FRMPD2: variants seen among roughly 807,000 people sequenced by gnomAD.
The protein encoded by FRMPD2 is FERM and PDZ domain-containing protein 2.
FRMPD2 carries 96 observed loss-of-function variants against 140.1 expected under a neutral mutation model. That is an observed-to-expected ratio of 0.69 (90% confidence interval 0.58 to 0.81). FRMPD2 has a LOEUF of 0.81. Ranked by LOEUF, FRMPD2 falls within the 40% of genes least tolerant of loss-of-function variation. The pLI is 0.00. For missense variants in FRMPD2, 1,240 were observed against 1,447.4 expected (o/e 0.86, Z 2.32); for synonymous variants, 449 against 547.6 (o/e 0.82, Z 2.52).
intron 27 of FRMPD2, among the ~76,000 whole-genome samples, chr10:48,164,040 G>A (rs1261813651): frequency 1.3e-5 from 2 of 150,898 alleles, no homozygotes; most frequent in Non-Finnish European, 2.9e-5. Flanking sequence ...CTCAGGGCTT[G>A]TCTCCCTGTC....
At chr10:48,186,740 T>A (rs1296421212) in intron 17 of FRMPD2, among the ~76,000 whole-genome samples, 2 of 152,224 alleles carry the variant, frequency 1.3e-5, no homozygotes, top group Non-Finnish European at 2.9e-5. Context: ...TAATGCTCAC[T>A]GAGTAGAGAT....
chr10:48,230,032 T>A (rs115012195), intron 10 of FRMPD2, among the ~76,000 whole-genome samples: 1 of 152,110 alleles, frequency 6.6e-6, no homozygotes, highest in Non-Finnish European at 1.5e-5. Context: ...ATTAATTACA[T>A]GAGGCTGAAC....
chr10:48,223,098 A>C, intron 11 of FRMPD2, 25 bp downstream of exon 11: 3 of 1,595,212 alleles, frequency 1.9e-6, no homozygotes, highest in Non-Finnish European at 2.6e-6. Context: ...CTTAAGGAAC[A>C]AATGAACAGG....
Position 48,242,251 on chromosome 10 carries a change from C to T in FRMPD2, c.477G>A (p.Arg159=). Reference sequence around the variant, plus strand: ...AGACAGACACTTCTTTCTCATGAACCCGACAAGCTTCCAGAACCGACTGCA... The same window carrying T: ...AGACAGACACTTCTTTCTCATGAACTCGACAAGCTTCCAGAACCGACTGCA... The part of the protein sequence containing the change: ...CTLQSVLEAC[R]VHEKEVSVYP... Residue 159 remains arginine (R), a synonymous_variant, in exon 5 of 29, where the codon CGG becomes CGA. Coordinates refer to ENST00000374201, the MANE Select transcript of FRMPD2 (RefSeq NM_001018071.4). The T allele has an allele frequency of 1.2e-6, 2 of 1,614,128 alleles. No homozygotes were observed. Among genetic ancestry groups the T allele is most frequent in the South Asian group, 1.1e-5 (1 of 91,080 alleles).
At position 48,240,358 on chromosome 10, in the gene FRMPD2, A is replaced by G. The variant is rs754048848; in HGVS notation, c.700+2T>C. On this transcript the variant is annotated splice_donor_variant, in intron 6 of 28. Coordinates refer to ENST00000374201, the MANE Select transcript of FRMPD2 (RefSeq NM_001018071.4). LOFTEE classifies it high-confidence loss of function. ...CAGGGACTGCTTAGGGCACGTACCC[A>G]CCTCTGCAAGGATGCAGACACTCCG... 9 of 1,611,178 alleles carry G rather than the reference A, an allele frequency of 5.6e-6. No individual in the cohort carries two copies. The highest frequency in any genetic ancestry group is 7.6e-6 in the Non-Finnish European group (9 of 1,179,974).
intron 14 of FRMPD2, among the ~76,000 whole-genome samples, chr10:48,201,941 A>T (rs566554798): frequency 6.6e-6 from 1 of 152,218 alleles, no homozygotes; most frequent in South Asian, 2.1e-4. Flanking sequence ...GATAAAAAAA[A>T]AAAGAGCAAG....
At chr10:48,249,329 C>T (rs1269148958) in intron 2 of FRMPD2, 151 bp from the exon 3 acceptor site, 21 of 677,740 alleles carry the variant, frequency 3.1e-5, no homozygotes, top group Non-Finnish European at 4.6e-5. Context: ...ATAAATTCAA[C>T]CCTGATGCAT....
intron 12 of FRMPD2, among the ~76,000 whole-genome samples, chr10:48,217,812 C>T (rs1033213293): frequency 6.6e-6 from 1 of 152,214 alleles, no homozygotes; most frequent in Non-Finnish European, 1.5e-5. Flanking sequence ...CAAGGTCACT[C>T]ACAGCCCTCC....
chr10:48,173,574 C>T (rs1161815922), intron 24 of FRMPD2, among the ~76,000 whole-genome samples: 1 of 152,168 alleles, frequency 6.6e-6, no homozygotes, highest in Admixed American at 6.5e-5. Flanking sequence ...TACCTTGGCT[C>T]ACTGGACCCT....
At position 48,264,509 on chromosome 10, in the gene FRMPD2, T is replaced by G. The variant is rs112964077; in HGVS notation, c.25+10034A>C. Among the ~76,000 whole-genome samples the G allele has an allele frequency of 2.2e-3, 330 of 152,226 alleles. 3 individuals carry two copies. Among genetic ancestry groups the G allele is most frequent in the African/African-American group, 7.7e-3 (320 of 41,572 alleles). On this transcript the variant is annotated intron_variant, in intron 1 of 28. Coordinates refer to ENST00000374201, the MANE Select transcript of FRMPD2 (RefSeq NM_001018071.4). ...CAGCAATGACAACTGAAATGTGAAA[T>G]TATAAACACAATATCAATTATTATA...
intron 4 of FRMPD2, 87 bp from the exon 5 acceptor site, chr10:48,242,439 A>G (rs1053357022): frequency 1.6e-6 from 2 of 1,212,416 alleles, no homozygotes; most frequent in African/African-American, 1.5e-5. Flanking sequence ...CCTTGGAGAC[A>G]TGGAAACGGG....
intron 10 of FRMPD2, among the ~76,000 whole-genome samples, chr10:48,225,939 T>C (rs1839711967): frequency 1.3e-5 from 2 of 152,222 alleles, no homozygotes; most frequent in Non-Finnish European, 2.9e-5. Flanking sequence ...GAGTATTCTT[T>C]TGGTTTCACT....
intron 12 of FRMPD2, among the ~76,000 whole-genome samples, chr10:48,217,589 T>A (rs1839479955): frequency 6.6e-6 from 1 of 152,230 alleles, no homozygotes; most frequent in Non-Finnish European, 1.5e-5. Flanking sequence ...GAGATATCAA[T>A]GTGCATTGCA....
At position 48,240,332 on chromosome 10, in the gene FRMPD2, G is replaced by T. The variant is rs138387152; in HGVS notation, c.700+28C>A. The T allele has an allele frequency of 4.7e-5, 75 of 1,604,034 alleles. No individual in the cohort carries two copies. In the African/African-American group the frequency reaches 7.9e-4, roughly 17 times the overall value. On this transcript the variant is annotated intron_variant, in intron 6 of 28. Coordinates refer to ENST00000374201, the MANE Select transcript of FRMPD2 (RefSeq NM_001018071.4). ...AATAGAATGGGTACCATCAGCCCACGCAGGGACTGCTTAGGGCACGTACCC... is the reference window on the plus strand; with the variant it reads ...AATAGAATGGGTACCATCAGCCCACTCAGGGACTGCTTAGGGCACGTACCC...
chr10:48,233,832 C>T (rs1379100978), intron 9 of FRMPD2, among the ~76,000 whole-genome samples: 1 of 152,152 alleles, frequency 6.6e-6, no homozygotes, highest in Non-Finnish European at 1.5e-5. Context: ...CTGAGGGCAG[C>T]CATGGCTCTC....
intron 1 of FRMPD2, among the ~76,000 whole-genome samples, chr10:48,267,901 A>G (rs1375312194): frequency 2.6e-5 from 4 of 152,250 alleles, no homozygotes; most frequent in South Asian, 2.1e-4. Flanking sequence ...GTAAAAGCCT[A>G]CACATTGTGT....
chr10:48,241,383 T>G (rs1840100908), intron 5 of FRMPD2, among the ~76,000 whole-genome samples: 1 of 152,214 alleles, frequency 6.6e-6, no homozygotes, highest in Non-Finnish European at 1.5e-5. Context: ...TTACATTTTG[T>G]GCCATAGGCA....
rs782613182 is a variant in FRMPD2 at position 48,168,622 on chromosome 10, C to T, written c.3510G>A (p.Ala1170=). 2.9e-5 allele frequency: 32 copies of T among 1,120,104 alleles called. 6 individuals are homozygous for T. Among genetic ancestry groups the T allele is most frequent in the Non-Finnish European group, 3.7e-5 (29 of 791,986 alleles). 69.4% of individuals were successfully genotyped at this position (1,120,104 alleles called of 1,614,324 possible). A position where few individuals can be genotyped will look rare whatever the true frequency, so the allele number is the denominator to read the frequency against. ...GCCATTCCTGCTCCAGCTCAGGCAG[C>T]GCACCTGGAGGGGGTCGGCAAAGGA... ...TLLLCRPPPG[A]LPELEQEWQT... is the part of the protein sequence containing the mutation. The change falls in exon 27 of 29, where the codon GCG becomes GCA. Residue 1170 remains alanine (A), a synonymous_variant. Coordinates refer to ENST00000374201, the MANE Select transcript of FRMPD2 (RefSeq NM_001018071.4).
At chr10:48,204,786 T>C (rs1327307490) in intron 14 of FRMPD2, among the ~76,000 whole-genome samples, 1 of 152,236 alleles carries the variant, frequency 6.6e-6, no homozygotes, top group Non-Finnish European at 1.5e-5. Context: ...TGCTTCTGTT[T>C]CCATGCATTT....
Sources: gnomAD v4.1 joint callset for allele counts (sites outside exome capture counted in the v4.1 genomes callset) on GRCh38, gnomAD v4.1.1 for gene constraint, MANE v1.5 for transcripts, NCBI Gene and HGNC (gene_info 2026-07-23, HGNC 2026-07-21) for gene names.